Variants in EXOC2 observed in about 807,000 individuals in gnomAD.
EXOC2 encodes the protein SEC5-like 1.
In EXOC2, 70 loss-of-function variants were observed where a neutral mutation model predicts 131.8. The observed-to-expected ratio is 0.53, with a 90% confidence interval of 0.44 to 0.65. The LOEUF (loss-of-function observed/expected upper bound fraction) is 0.65, where lower values mean the gene tolerates loss of function less well. Ranked by LOEUF, EXOC2 falls within the 30% of genes least tolerant of loss-of-function variation. The pLI is 0.00. For missense variants in EXOC2, 923 were observed against 1,108.6 expected (o/e 0.83, Z 2.38); for synonymous variants, 411 against 398.4 (o/e 1.03, Z -0.38).
intron 23 of EXOC2, among the ~76,000 whole-genome samples, chr6:527,287 C>A (rs1225696493): frequency 6.6e-6 from 1 of 152,166 alleles, no homozygotes; most frequent in Admixed American, 6.5e-5. Flanking sequence ...TACGCTGGAC[C>A]TGAGCTTTGA....
At chr6:594,489 A>G (rs1438004508) in intron 10 of EXOC2, among the ~76,000 whole-genome samples, 1 of 152,210 alleles carries the variant, frequency 6.6e-6, no homozygotes, top group Non-Finnish European at 1.5e-5. Flanking sequence ...TAAAATAAAG[A>G]GATACTCTTT....
chr6:506,077 C>T lies in EXOC2; in HGVS notation c.2381-6377G>A, dbSNP rs1764528704. On this transcript the variant is annotated intron_variant, in intron 23 of 27. Transcript: ENST00000230449. The surrounding 1 kb of genome is among the most constrained non-coding windows in gnomAD (Gnocchi z 4.4). ...GGAAAGCATACAATCTCTCGCTTCTCACAAAGACAGTCCTTTTGAGCATCA... is the reference window on the plus strand; with the variant it reads ...GGAAAGCATACAATCTCTCGCTTCTTACAAAGACAGTCCTTTTGAGCATCA... Among the ~76,000 whole-genome samples the T allele has an allele frequency of 6.6e-6, 1 of 152,222 alleles. No individual in the cohort carries two copies. The highest frequency in any genetic ancestry group is 1.5e-5 in the Non-Finnish European group (1 of 68,030).
intron 11 of EXOC2, among the ~76,000 whole-genome samples, chr6:588,754 C>T (rs75995577): frequency 0.019 from 2,879 of 152,186 alleles, 47 homozygotes; most frequent in Admixed American, 0.033. Context: ...GAACAAGGTG[C>T]GCAACAAGCT....
intron 23 of EXOC2, among the ~76,000 whole-genome samples, chr6:521,358 G>A (rs1198066760): frequency 3.3e-5 from 5 of 151,904 alleles, no homozygotes; most frequent in East Asian, 1.9e-4. Flanking sequence ...GTCCACACTC[G>A]GAGACAAAAA....
At chr6:627,928 A>T (rs1397942132) in intron 4 of EXOC2, among the ~76,000 whole-genome samples, 2 of 152,246 alleles carry the variant, frequency 1.3e-5, no homozygotes, top group Non-Finnish European at 2.9e-5. Context: ...TTATTGGATA[A>T]ATGTACATAA....
intron 1 of EXOC2, among the ~76,000 whole-genome samples, chr6:691,950 C>A (rs1456228734): frequency 6.6e-6 from 1 of 152,070 alleles, no homozygotes; most frequent in Non-Finnish European, 1.5e-5. Flanking sequence ...ACTTTTAGCA[C>A]AAAAAAATCA....
chr6:512,617 C>T (rs765574851), intron 23 of EXOC2, among the ~76,000 whole-genome samples: 10 of 152,154 alleles, frequency 6.6e-5, no homozygotes, highest in Non-Finnish European at 1.5e-4. Flanking sequence ...AACTATCTGT[C>T]GTACAGGGGT....
At chr6:498,178 C>A (rs901428522) in intron 24 of EXOC2, among the ~76,000 whole-genome samples, 7 of 152,148 alleles carry the variant, frequency 4.6e-5, no homozygotes, top group Admixed American at 3.3e-4. Flanking sequence ...TTAACCCAAA[C>A]ATAACTTGAG....
intron 1 of EXOC2, 83 bp from the exon 2 acceptor site, chr6:637,944 C>T (rs1201046121): frequency 3.4e-6 from 3 of 879,768 alleles, no homozygotes; most frequent in South Asian, 1.6e-5. Context: ...ACAGTCAGTA[C>T]CAAAATATAA....
In EXOC2 at chr6:564,231, A is replaced by G; in HGVS notation, c.1668-77T>C. 1.9e-6 allele frequency: 3 copies of G among 1,555,782 alleles called. No homozygotes were observed. In the African/African-American group the frequency reaches 4.1e-5, roughly 21 times the overall value. ...ATCCCTAGCATCTCTTTCACTGTAT[A>G]ATCATTCCTCACGGAGCTTACGAGC... On this transcript the variant is annotated intron_variant, in intron 15 of 27. Transcript: ENST00000230449.
intron 22 of EXOC2, among the ~76,000 whole-genome samples, chr6:542,484 T>A (rs1581400347): frequency 6.6e-6 from 1 of 152,276 alleles, no homozygotes; most frequent in Middle Eastern, 3.4e-3. Flanking sequence ...GACATCTGCA[T>A]CTCAAGTGGG....
At chr6:529,548 G>A (rs1765952069) in intron 23 of EXOC2, among the ~76,000 whole-genome samples, 1 of 152,218 alleles carries the variant, frequency 6.6e-6, no homozygotes, top group Non-Finnish European at 1.5e-5. Flanking sequence ...CATCACTGAA[G>A]CGCAGGAAAC....
intron 22 of EXOC2, among the ~76,000 whole-genome samples, chr6:545,102 G>A (rs923840302): frequency 1.5e-5 from 2 of 135,858 alleles, no homozygotes; most frequent in Non-Finnish European, 3.0e-5. Context: ...AGCCGAGATT[G>A]CGCCACTGCA....
intron 16 of EXOC2, 147 bp downstream of exon 16, chr6:563,886 T>C (rs1757827015): frequency 8.5e-6 from 10 of 1,170,174 alleles, no homozygotes; most frequent in East Asian, 5.4e-5. Flanking sequence ...AAAACACTTA[T>C]TGAGCAGCTA....
rs147823138 is a variant in EXOC2 at position 586,445 on chromosome 6, C to T, written c.1192+6024G>A. Among the ~76,000 whole-genome samples, 21 of 152,332 alleles carry T rather than the reference C, an allele frequency of 1.4e-4. No homozygotes were observed. In the East Asian group the frequency reaches 3.8e-3, roughly 28 times the overall value. ...TGCTCATTCTCAGAGCATTTATTTA[C>T]ATTGCACATATAATTTTAGAAGTGA... On this transcript the variant is annotated intron_variant, in intron 11 of 27. Transcript: ENST00000230449.
intron 10 of EXOC2, among the ~76,000 whole-genome samples, chr6:596,020 C>G (rs549097207): frequency 6.6e-6 from 1 of 152,226 alleles, no homozygotes; most frequent in East Asian, 1.9e-4. Context: ...CCCCGGGTCA[C>G]TGTGTGTGCT....
intron 2 of EXOC2, among the ~76,000 whole-genome samples, chr6:634,420 A>G (rs550690398): frequency 1.3e-5 from 2 of 152,152 alleles, no homozygotes; most frequent in South Asian, 2.1e-4. Flanking sequence ...TTAACTTTCT[A>G]TAATGTTCAG....
chr6:489,108 C>A (rs568252578), intron 26 of EXOC2, 70 bp from the exon 27 acceptor site: 1 of 1,444,686 alleles, frequency 6.9e-7, no homozygotes, highest in Non-Finnish European at 9.6e-7. Context: ...TCTTAAGCAT[C>A]CCTTAATTAT....
At chr6:559,892 C>T (rs1187444259) in intron 17 of EXOC2, among the ~76,000 whole-genome samples, 1 of 152,172 alleles carries the variant, frequency 6.6e-6, no homozygotes, top group Non-Finnish European at 1.5e-5. Context: ...TGACAGCAGA[C>T]TCTGCCTTCT....
Sources: allele counts gnomAD v4.1 joint callset (sites outside exome capture counted in the v4.1 genomes callset), GRCh38; gene constraint gnomAD v4.1.1; non-coding constraint Gnocchi (gnomAD v3.1); transcripts MANE v1.5; gene names NCBI Gene and HGNC (gene_info 2026-07-23, HGNC 2026-07-21).